IQCJ: variants seen among roughly 807,000 people sequenced by gnomAD.
IQCJ encodes IQ motif containing J.
In IQCJ, 9 loss-of-function variants were observed where a neutral mutation model predicts 11.0. The observed-to-expected ratio is 0.82, with a 90% CI of 0.49 to 1.43. The LOEUF (loss-of-function observed/expected upper bound fraction) is 1.43, where lower values mean the gene tolerates loss of function less well. IQCJ is among the 40% of genes most tolerant of loss of function. The probability of loss-of-function intolerance (pLI) is 0.00; values close to 1 mark genes in which losing one functional copy is unlikely to be tolerated. For missense variants in IQCJ, 146 were observed against 133.2 expected, an observed-to-expected ratio of 1.10 and a Z score of -0.47; for synonymous variants, 55 against 51.3, an observed-to-expected ratio of 1.07 and a Z score of -0.31.
intron 1 of IQCJ, among the ~76,000 whole-genome samples, chr3:159,094,171 T>C (rs1717547976): frequency 6.6e-6 from 1 of 151,732 alleles, no homozygotes; most frequent in South Asian, 2.1e-4. Context: ...TTCACAATAA[T>C]GGATTGAGAA....
chr3:159,251,992 T>A (rs1358388737), intron 2 of IQCJ, among the ~76,000 whole-genome samples: 1 of 152,226 alleles, frequency 6.6e-6, no homozygotes, highest in Non-Finnish European at 1.5e-5. Context: ...TATTTCCTTT[T>A]GTTCTCCTAT....
intron 1 of IQCJ, among the ~76,000 whole-genome samples, chr3:159,110,675 A>AC (rs1341504890): frequency 1.3e-5 from 2 of 152,040 alleles, no homozygotes; most frequent in Non-Finnish European, 2.9e-5. Flanking sequence ...TATCCCCAGC[A>AC]CCCAGCGCAG....
At chr3:159,254,976 G>T (rs1001334805) in intron 3 of IQCJ, among the ~76,000 whole-genome samples, 2 of 152,232 alleles carry the variant, frequency 1.3e-5, no homozygotes, top group African/African-American at 4.8e-5. Flanking sequence ...GCCCCATGAT[G>T]CACCAAGCAG....
intron 1 of IQCJ, among the ~76,000 whole-genome samples, chr3:159,121,426 G>T (rs1188672245): frequency 6.6e-6 from 1 of 152,062 alleles, no homozygotes; most frequent in African/African-American, 2.4e-5. Flanking sequence ...GAGCCGCTGC[G>T]CCCAGCTTAA....
At chr3:159,195,053 G>A in intron 1 of IQCJ, among the ~76,000 whole-genome samples, 1 of 151,866 alleles carries the variant, frequency 6.6e-6, no homozygotes, top group East Asian at 1.9e-4. Context: ...GGAGGTTGCA[G>A]TGAGCTGAGA....
chr3:159,261,961 G>A (rs943048620), intron 3 of IQCJ, among the ~76,000 whole-genome samples: 1 of 152,160 alleles, frequency 6.6e-6, no homozygotes, highest in African/African-American at 2.4e-5. Flanking sequence ...AACCCATGAT[G>A]TGGTGCTCTC....
intron 1 of IQCJ, among the ~76,000 whole-genome samples, chr3:159,192,058 A>G (rs1577070804): frequency 6.6e-6 from 1 of 152,300 alleles, no homozygotes; most frequent in East Asian, 1.9e-4. Flanking sequence ...TATAAGTTCA[A>G]GAGGTGAGAG....
chr3:159,197,642 T>C (rs774622881), intron 1 of IQCJ, among the ~76,000 whole-genome samples: 2 of 152,168 alleles, frequency 1.3e-5, no homozygotes, highest in Non-Finnish European at 2.9e-5. Context: ...TTGCAGATCA[T>C]AGGATCCAGA....
chr3:159,213,363 G>T (rs1330350894), intron 1 of IQCJ, among the ~76,000 whole-genome samples: 2 of 152,178 alleles, frequency 1.3e-5, no homozygotes, highest in South Asian at 2.1e-4. Flanking sequence ...TTTTATTCTA[G>T]TTGCCACCAA....
intron 1 of IQCJ, among the ~76,000 whole-genome samples, chr3:159,103,347 T>C (rs1025944156): frequency 6.6e-6 from 1 of 152,222 alleles, no homozygotes; most frequent in Non-Finnish European, 1.5e-5. Flanking sequence ...TGACTTATGC[T>C]TTCCCCTTTT....
intron 1 of IQCJ, among the ~76,000 whole-genome samples, chr3:159,227,032 C>G (rs1725898421): frequency 1.3e-5 from 2 of 152,176 alleles, no homozygotes; most frequent in Admixed American, 6.5e-5. Flanking sequence ...TACCAGACAG[C>G]TGCTGAAATC....
chr3:159,090,630 G>A lies in IQCJ; in HGVS notation c.9+21189G>A, dbSNP rs572563815. 2.6e-5 allele frequency among the ~76,000 whole-genome samples: 4 copies of A among 151,864 alleles called. No individual in the cohort carries two copies. The East Asian group carries it at 5.8e-4, about 22-fold the overall frequency. On this transcript the variant is annotated intron_variant, in intron 1 of 3. Transcript: ENST00000397832. ...TCATATTGGAGGAAATGAAATGAAG[G>A]TCAGCTGTGAGGAAGCTGAGGTGAG...
At chr3:159,150,248 C>A (rs1196040928) in intron 1 of IQCJ, among the ~76,000 whole-genome samples, 1 of 152,026 alleles carries the variant, frequency 6.6e-6, no homozygotes, top group Non-Finnish European at 1.5e-5. Context: ...GGATGGAAAC[C>A]GATAGAAAGT....
intron 1 of IQCJ, among the ~76,000 whole-genome samples, chr3:159,241,630 C>G (rs535611597): frequency 5.4e-4 from 82 of 152,230 alleles, no homozygotes; most frequent in African/African-American, 1.9e-3. Flanking sequence ...GTCACAGTTC[C>G]AGTGTCCCTC....
chr3:159,168,590 T>C (rs1468692671), intron 1 of IQCJ, among the ~76,000 whole-genome samples: 2 of 152,174 alleles, frequency 1.3e-5, no homozygotes, highest in East Asian at 3.9e-4. Flanking sequence ...TGAGTAGGCA[T>C]GTAAGTGACT....
In IQCJ at chr3:159,227,178, A is replaced by G. The variant is rs750016788; in HGVS notation, c.10-18665A>G. ...AATTAGACAATTTTGATAGCAACGA[A>G]CAAAGAAAATGCCATGTTTCACCAT... On this transcript the variant is annotated intron_variant, in intron 1 of 3. Coordinates refer to ENST00000397832, the MANE Select transcript of IQCJ (RefSeq NM_001042706.3). Among the ~76,000 whole-genome samples the G allele has an allele frequency of 2.8e-4, 42 of 152,200 alleles. 1 individual carries two copies. The highest frequency in any genetic ancestry group is 7.8e-4 in the Admixed American group (12 of 15,290).
At chr3:159,129,190 C>T (rs1719849938) in intron 1 of IQCJ, among the ~76,000 whole-genome samples, 1 of 151,952 alleles carries the variant, frequency 6.6e-6, no homozygotes, top group Non-Finnish European at 1.5e-5. Context: ...GAAACAGAGG[C>T]CCTAAGAGAT....
chr3:159,239,814 A>G (rs1726808559), intron 1 of IQCJ, among the ~76,000 whole-genome samples: 2 of 152,210 alleles, frequency 1.3e-5, no homozygotes. Flanking sequence ...ACAAATATTT[A>G]CCATTGTGTT....
intron 1 of IQCJ, among the ~76,000 whole-genome samples, chr3:159,156,603 C>T (rs905049048): frequency 6.6e-5 from 10 of 152,154 alleles, no homozygotes; most frequent in African/African-American, 2.4e-4. Context: ...CAGATTGAAC[C>T]TGATGGGTGT....
Sources: allele counts gnomAD v4.1 joint callset (sites outside exome capture counted in the v4.1 genomes callset), GRCh38; gene constraint gnomAD v4.1.1; transcripts MANE v1.5; gene names NCBI Gene and HGNC (gene_info 2026-07-23, HGNC 2026-07-21).